The following CATSPERZ variants were observed in gnomAD, a reference collection of about 807,000 sequenced individuals.
The protein encoded by CATSPERZ is cation channel sperm-associated auxiliary subunit zeta.
CATSPERZ carries 21 observed loss-of-function variants against 21.7 expected under a neutral mutation model. The observed-to-expected ratio is 0.97, with a 90% CI of 0.69 to 1.39. The LOEUF is 1.39. Among genes scored for constraint, CATSPERZ ranks in the 40% most tolerant of loss-of-function variants. CATSPERZ has a pLI of 0.00. For synonymous variants in CATSPERZ, 127 were observed against 108.7 expected (o/e 1.17, Z -1.05); for missense variants, 234 against 259.5 (o/e 0.90, Z 0.68).
intron 3 of CATSPERZ, 103 bp from the exon 4 acceptor site, chr11:64,303,670 A>C: frequency 1.4e-6 from 1 of 728,874 alleles, no homozygotes; most frequent in Non-Finnish European, 1.8e-6. Flanking sequence ...AGGGGCAGGC[A>C]GGCTGGTTGG....
At chr11:64,304,435 T>C (rs2034982038) in intron 4 of CATSPERZ, 108 bp from the exon 5 acceptor site, 1 of 792,294 alleles carries the variant, frequency 1.3e-6, no homozygotes, top group Non-Finnish European at 2.0e-6. Context: ...CCTGCGCTAC[T>C]GCTACCTCGA....
chr11:64,301,009 C>T, intron 2 of CATSPERZ, 22 bp downstream of exon 2: 1 of 1,495,086 alleles, frequency 6.7e-7, no homozygotes, highest in Non-Finnish European at 9.0e-7. Context: ...CTCGCCAGGC[C>T]GTGGGCACCC....
chr11:64,301,985 A>C (rs1234220054), intron 2 of CATSPERZ, among the ~76,000 whole-genome samples: 1 of 152,100 alleles, frequency 6.6e-6, no homozygotes. Context: ...CTGTGTTTTT[A>C]ATGGAATCAT....
intron 2 of CATSPERZ, among the ~76,000 whole-genome samples, chr11:64,302,136 ACTT>A (rs1331011067): frequency 4.6e-5 from 7 of 152,178 alleles, no homozygotes; most frequent in Non-Finnish European, 1.0e-4. Flanking sequence ...CCCTCAAACT[ACTT>A]CATCAGAGAG....
chr11:64,303,931 CT>C, intron 4 of CATSPERZ, 92 bp downstream of exon 4: 1 of 1,299,626 alleles, frequency 7.7e-7, no homozygotes, highest in Non-Finnish European at 1.1e-6. Flanking sequence ...TTCAGGGTGC[CT>C]TATGTCTTGT....
At position 64,303,787 on chromosome 11, in the gene CATSPERZ, G is replaced by T; in HGVS notation, c.447G>T (p.Leu149=). Reference sequence around the variant, plus strand: ...TGCTTCTCCAGCTGCCACTGCCCCTGATGGAACTCATGGAGAATGAAGCTC... The same window carrying T: ...TGCTTCTCCAGCTGCCACTGCCCCTTATGGAACTCATGGAGAATGAAGCTC... ...AEQQSRLPLP[L]MELMENEALE... The change falls in exon 4 of 5, where the codon CTG becomes CTT. Residue 149 remains leucine (L), a synonymous_variant. Transcript: ENST00000328404. The T allele has an allele frequency of 6.2e-7, 1 of 1,600,964 alleles. No homozygotes were observed. The highest frequency in any genetic ancestry group is 8.5e-7 in the Non-Finnish European group (1 of 1,173,924).
At chr11:64,302,694 T>C (rs990095518) in intron 2 of CATSPERZ, among the ~76,000 whole-genome samples, 1 of 152,176 alleles carries the variant, frequency 6.6e-6, no homozygotes, top group Non-Finnish European at 1.5e-5. Context: ...TGCCTCAGCC[T>C]CCTGAGTAGC....
intron 1 of CATSPERZ, 30 bp downstream of exon 1, chr11:64,300,461 G>A (rs745376047): frequency 1.3e-6 from 2 of 1,552,688 alleles, no homozygotes; most frequent in African/African-American, 1.4e-5. Flanking sequence ...CCCTTACCCT[G>A]TCCGCTCCAA....
intron 2 of CATSPERZ, 107 bp downstream of exon 2, chr11:64,301,094 C>G (rs1198599962): frequency 1.8e-5 from 20 of 1,134,472 alleles, no homozygotes; most frequent in Non-Finnish European, 2.2e-5. Flanking sequence ...ATCCAAGTTT[C>G]TAGGATTCTC....
At chr11:64,301,097 G>C in intron 2 of CATSPERZ, 110 bp downstream of exon 2, 1 of 1,096,602 alleles carries the variant, frequency 9.1e-7, no homozygotes, top group Non-Finnish European at 1.3e-6. Flanking sequence ...CAAGTTTCTA[G>C]GATTCTCTGG....
rs1337903539 is a variant in CATSPERZ at position 64,300,839 on chromosome 11, G to A, written c.204G>A (p.Pro68=). 1.9e-6 allele frequency: 3 copies of A among 1,559,670 alleles called. No individual in the cohort carries two copies. Among genetic ancestry groups the A allele is most frequent in the African/African-American group, 1.4e-5 (1 of 73,618 alleles). Residue 68 remains proline, a synonymous_variant, in exon 2 of 5, where the codon CCG becomes CCA. Coordinates refer to ENST00000328404, the MANE Select transcript of CATSPERZ (RefSeq NM_001039496.2). The stretch of plus-strand genomic sequence containing the variant: ...GCAAGACCCGCGGGTGGCACAGCCC[G>A]GGGCGGGGCTCGTTGGACGAGGGGT... ...NISKTRGWHS[P]GRGSLDEGYK... is the part of the protein sequence containing the mutation.
chr11:64,303,507 C>G lies in CATSPERZ; in HGVS notation c.378C>G (p.Leu126=). The change falls in exon 3 of 5, where the codon CTC becomes CTG. Residue 126 remains leucine, a synonymous_variant. Transcript: ENST00000328404. ...EAEKSSSMSS[L]NIAKHMPHRA... is the part of the protein sequence containing the mutation. ...AAAAGTCTTCCTCAATGTCATCACT[C>G]AATATTGCGAAGCACATGCCCCATC... is the stretch of plus-strand genomic sequence containing the variant. 6.2e-7 allele frequency: 1 copy of G among 1,613,254 alleles called. No homozygotes were observed. The highest frequency in any genetic ancestry group is 8.5e-7 in the Non-Finnish European group (1 of 1,179,640).
At position 64,303,575 on chromosome 11, in the gene CATSPERZ, G is replaced by T; in HGVS notation, c.432+14G>T. The T allele has an allele frequency of 6.2e-7, 1 of 1,611,712 alleles. No homozygotes were observed. Among genetic ancestry groups the T allele is most frequent in the Non-Finnish European group, 8.5e-7 (1 of 1,178,860 alleles). On this transcript the variant is annotated intron_variant, in intron 3 of 4. Coordinates refer to ENST00000328404, the MANE Select transcript of CATSPERZ (RefSeq NM_001039496.2). ...CAGCAGAGCAGGGTTGGAGGGGCTG[G>T]GGAGACTGGGCGTTTCGGTGGGGTA...
rs771541308 is a variant in CATSPERZ at position 64,300,675 on chromosome 11, G to T, written c.40G>T (p.Asp14Tyr). 31 of 1,537,784 alleles carry T rather than the reference G, an allele frequency of 2.0e-5. No homozygotes were observed. Among genetic ancestry groups the T allele is most frequent in the African/African-American group, 8.2e-5 (6 of 72,826 alleles). Residue 14 changes from aspartate to tyrosine, a missense_variant, in exon 2 of 5, where the codon GAC becomes TAC. Transcript: ENST00000328404. The stretch of plus-strand genomic sequence containing the variant: ...CCCACAGGTGTCGCTCAAGTCTTCC[G>T]ACCGCCAAGGCTCGGACGAGGAGAG... Reference protein sequence around the residue: ...KPSKVSLKSSDRQGSDEESVH... With the variant: ...KPSKVSLKSSYRQGSDEESVH...
chr11:64,300,607 C>T (rs1591233418), intron 1 of CATSPERZ, 50 bp from the exon 2 acceptor site: 1 of 1,514,260 alleles, frequency 6.6e-7, no homozygotes, highest in Non-Finnish European at 8.9e-7. Context: ...TCTTCCTTCC[C>T]GCTCCAGCCA....
At position 64,300,871 on chromosome 11, in the gene CATSPERZ, C is replaced by A; in HGVS notation, c.236C>A (p.Ala79Asp). The change falls in exon 2 of 5, where the codon GCC becomes GAC. Residue 79 changes from alanine (A) to aspartate (D), a missense_variant. Coordinates refer to ENST00000328404, the MANE Select transcript of CATSPERZ (RefSeq NM_001039496.2). ...GRGSLDEGYK[A>D]SHKPEELDEH... ...GGCTCGTTGGACGAGGGGTACAAGG[C>A]CAGCCACAAGCCGGAGGAACTGGAC... is the stretch of plus-strand genomic sequence containing the variant. 6.4e-7 allele frequency: 1 copy of A among 1,564,130 alleles called. No homozygotes were observed. Among genetic ancestry groups the A allele is most frequent in the South Asian group, 1.2e-5 (1 of 84,926 alleles).
At position 64,303,543 on chromosome 11, in the gene CATSPERZ, GGCAGAGCA is replaced by G; in HGVS notation, c.424_431del (p.Gln142AlafsTer12). On this transcript the variant is annotated frameshift_variant, in exon 3 of 5. Coordinates refer to ENST00000328404, the MANE Select transcript of CATSPERZ (RefSeq NM_001039496.2). LOFTEE classifies it high-confidence loss of function. ...AGCACATGCCCCATCGAGCCTACTG[GGCAGAGCA>G]GCAGAGCAGGGTTGGAGGGGCTGGG... is the stretch of plus-strand genomic sequence containing the variant. 6.2e-7 allele frequency: 1 copy of G among 1,613,428 alleles called. No individual in the cohort carries two copies. The highest frequency in any genetic ancestry group is 8.5e-7 in the Non-Finnish European group (1 of 1,179,744).
In CATSPERZ at chr11:64,303,764, C is replaced by T. The variant is rs1415187043; in HGVS notation, c.433-9C>T. On this transcript the variant is annotated splice_polypyrimidine_tract_variant and intron_variant, in intron 3 of 4. Coordinates refer to ENST00000328404, the MANE Select transcript of CATSPERZ (RefSeq NM_001039496.2). ...ACCTGGACGCCTAAGCCTCTTGCTG[C>T]TTCTCCAGCTGCCACTGCCCCTGAT... is the stretch of plus-strand genomic sequence containing the variant. 4 of 1,593,986 alleles carry T rather than the reference C, an allele frequency of 2.5e-6. No homozygotes were observed. In the South Asian group the frequency reaches 4.6e-5, roughly 18 times the overall value.
At chr11:64,303,908 AG>A in intron 4 of CATSPERZ, 69 bp downstream of exon 4, 25 of 1,511,948 alleles carry the variant, frequency 1.7e-5, no homozygotes, top group Non-Finnish European at 2.2e-5. Context: ...GCTGGGGCCC[AG>A]GGGGGTGGGG....
Sources: allele counts gnomAD v4.1 joint callset (sites outside exome capture counted in the v4.1 genomes callset), GRCh38; gene constraint gnomAD v4.1.1; transcripts MANE v1.5; gene names NCBI Gene and HGNC (gene_info 2026-07-23, HGNC 2026-07-21).